TRAPPC8: variants seen among roughly 807,000 people sequenced by gnomAD.
TRAPPC8 encodes trafficking protein particle complex subunit 8.
In TRAPPC8, 54 loss-of-function variants were observed where a neutral mutation model predicts 174.3. The ratio of observed to expected loss-of-function variants is 0.31; its 90% CI spans 0.25 to 0.39. The LOEUF (loss-of-function observed/expected upper bound fraction) is 0.39, where lower values mean the gene tolerates loss of function less well. Ranked by LOEUF, TRAPPC8 falls within the 10% of genes least tolerant of loss-of-function variation. The pLI is 1.00. For synonymous variants in TRAPPC8, 630 were observed against 579.9 expected, an observed-to-expected ratio of 1.09 and a Z score of -1.24; for missense variants, 1,531 against 1,699.1, an observed-to-expected ratio of 0.90 and a Z score of 1.74.
Position 31,846,753 on chromosome 18 carries a change from G to A in TRAPPC8, c.3800C>T (p.Thr1267Ile), listed in dbSNP as rs766726713. Residue 1267 changes from threonine (T) to isoleucine (I), a missense_variant, in exon 26 of 29, where the codon ACT (threonine) becomes ATT (isoleucine). By Grantham distance (89) the Thr-to-Ile change is moderately conservative. Transcript: ENST00000283351. ...ATATGAAAAGGCTTCTTTTCCTATA[G>A]TGCGAAGAATAACATGATGTTGACC... is the stretch of plus-strand genomic sequence containing the variant. ...LEGQHHVILR[T>I]IGKEAFSYPQ... is the part of the protein sequence containing the mutation. 2.5e-6 allele frequency: 4 copies of A among 1,612,916 alleles called. No individual in the cohort carries two copies. The highest frequency in any genetic ancestry group is 1.1e-5 in the South Asian group (1 of 90,972).
intron 11 of TRAPPC8, among the ~76,000 whole-genome samples, chr18:31,895,478 A>G (rs968353472): frequency 9.8e-5 from 15 of 152,304 alleles, no homozygotes; most frequent in Admixed American, 5.2e-4. Context: ...GACTTTCATG[A>G]TAAAACAAAT....
rs1352636762 is a variant in TRAPPC8, at chr18:31,870,777, T to C, written c.2257+149A>G. ...TAGCTGTAGAAGAGTCCCCCTTGTC[T>C]GGTTTTATAAATGCAGCTCAGTAAA... is the stretch of plus-strand genomic sequence containing the variant. On this transcript the variant is annotated intron_variant, in intron 15 of 28. Transcript: ENST00000283351. The C allele has an allele frequency of 1.5e-5, 12 of 814,836 alleles. No homozygotes were observed. In the South Asian group the frequency reaches 2.1e-4, roughly 15 times the overall value. 50.5% of individuals were successfully genotyped at this position (814,836 alleles called of 1,614,324 possible). A position where few individuals can be genotyped will look rare whatever the true frequency, so the allele number is the denominator to read the frequency against.
rs375575590 is a variant in TRAPPC8 at position 31,842,360 on chromosome 18, C to T, written c.3838-2903G>A. Among the ~76,000 whole-genome samples the T allele has an allele frequency of 2.0e-5, 3 of 152,194 alleles. No individual in the cohort carries two copies. The East Asian group carries it at 5.8e-4, about 29-fold the overall frequency. The stretch of plus-strand genomic sequence containing the variant: ...CAACTGACCAATGTGCACAGGGTTT[C>T]TGTTGGTAGTTTACTTAGGAAGCAA... On this transcript the variant is annotated intron_variant, in intron 26 of 28. Coordinates refer to ENST00000283351, the MANE Select transcript of TRAPPC8 (RefSeq NM_014939.5).
chr18:31,938,572 G>A (rs2038199962), intron 1 of TRAPPC8, among the ~76,000 whole-genome samples: 2 of 151,992 alleles, frequency 1.3e-5, no homozygotes, highest in African/African-American at 4.8e-5. Flanking sequence ...CTAAAAATAA[G>A]TCTCCTGACA....
At chr18:31,863,952 C>CCCATTAA (rs1346944153) in intron 19 of TRAPPC8, among the ~76,000 whole-genome samples, 7 of 150,158 alleles carry the variant, frequency 4.7e-5, no homozygotes, top group Non-Finnish European at 1.0e-4. Flanking sequence ...ACTTCTTGTT[C>CCCATTAA]TATTATACTA....
At chr18:31,848,491 C>A (rs184034551) in intron 25 of TRAPPC8, among the ~76,000 whole-genome samples, 2 of 152,126 alleles carry the variant, frequency 1.3e-5, no homozygotes, top group Non-Finnish European at 2.9e-5. Context: ...AATTTGATTT[C>A]GCCAATAATG....
At position 31,880,090 on chromosome 18, in the gene TRAPPC8, AATATAT is replaced by A. The variant is rs1246506445; in HGVS notation, c.1729-5392_1729-5387del. ...TTTTACTGAAACTATTGAAAAAAAAAATATATATATATATATATATATATATATATA... is the reference window on the plus strand; with the variant it reads ...TTTTACTGAAACTATTGAAAAAAAAAATATATATATATATATATATATATA... On this transcript the variant is annotated intron_variant, in intron 12 of 28. Coordinates refer to ENST00000283351, the MANE Select transcript of TRAPPC8 (RefSeq NM_014939.5). Among the ~76,000 whole-genome samples the A allele has an allele frequency of 1.4e-3, 118 of 85,344 alleles. 2 individuals are homozygous for A. In the East Asian group the frequency reaches 0.022, roughly 16 times the overall value. The allele number at this position is 85,344 out of a possible 152,430, so 56.0% of individuals were successfully genotyped here.
intron 27 of TRAPPC8, 79 bp from the exon 28 acceptor site, chr18:31,832,252 C>G: frequency 1.4e-6 from 1 of 725,200 alleles, no homozygotes; most frequent in Non-Finnish European, 2.0e-6. Flanking sequence ...ACACTTAAGA[C>G]TATGTAACAG....
At chr18:31,856,805 A>ATT (rs2034040551) in intron 20 of TRAPPC8, among the ~76,000 whole-genome samples, 1 of 140,674 alleles carries the variant, frequency 7.1e-6, no homozygotes, top group Admixed American at 7.0e-5. Flanking sequence ...AAATGCTAAA[A>ATT]TCTTTTTTTT....
chr18:31,857,540 C>A lies in TRAPPC8; in HGVS notation c.3188G>T (p.Arg1063Leu). ...YESVKKQPKI[R>L]HRILRHTAII... is the part of the protein sequence containing the mutation. ...ATTTTATAAGTTTTATAATACTAAC[C>A]GTATTTTTGGCTGCTTTTTGACACT... Residue 1063 changes from arginine to leucine, a missense_variant and splice_region_variant, in exon 20 of 29, where the codon CGG becomes CTG. Coordinates refer to ENST00000283351, the MANE Select transcript of TRAPPC8 (RefSeq NM_014939.5). 1 of 1,579,300 alleles carries A rather than the reference C, an allele frequency of 6.3e-7. No homozygotes were observed.
intron 19 of TRAPPC8, among the ~76,000 whole-genome samples, chr18:31,859,575 AATAC>A (rs1250755687): frequency 1.3e-5 from 2 of 152,224 alleles, no homozygotes; most frequent in African/African-American, 4.8e-5. Flanking sequence ...AACACACTAA[AATAC>A]ATAGAGACAC....
intron 12 of TRAPPC8, among the ~76,000 whole-genome samples, chr18:31,876,636 G>T (rs1362518461): frequency 6.6e-6 from 1 of 151,944 alleles, no homozygotes; most frequent in Non-Finnish European, 1.5e-5. Context: ...CCCATGGAAA[G>T]AAACTAGAGT....
intron 15 of TRAPPC8, 73 bp downstream of exon 15, chr18:31,870,853 A>C: frequency 7.6e-7 from 1 of 1,321,264 alleles, no homozygotes; most frequent in Non-Finnish European, 1.0e-6. Flanking sequence ...TATGTGTGCC[A>C]AACAATAAAT....
chr18:31,910,929 A>T (rs867593645), intron 5 of TRAPPC8, among the ~76,000 whole-genome samples: 2 of 152,188 alleles, frequency 1.3e-5, no homozygotes, highest in Admixed American at 6.5e-5. Context: ...GACCATTTTT[A>T]AAAATAAAGT....
chr18:31,894,837 A>G (rs17742014), intron 11 of TRAPPC8, among the ~76,000 whole-genome samples: 34,819 of 152,178 alleles, frequency 0.23, 4,820 homozygotes, highest in South Asian at 0.52. Context: ...AACTGGTATT[A>G]GCATCCCTAG....
At chr18:31,917,362 T>C (rs1312374802) in intron 3 of TRAPPC8, among the ~76,000 whole-genome samples, 2 of 151,538 alleles carry the variant, frequency 1.3e-5, no homozygotes, top group African/African-American at 2.4e-5. Flanking sequence ...TAGTCTTATT[T>C]TATAATCAAA....
chr18:31,903,113 C>T (rs550124775), intron 9 of TRAPPC8, among the ~76,000 whole-genome samples: 11 of 90,302 alleles, frequency 1.2e-4, no homozygotes, highest in Admixed American at 1.4e-4. Flanking sequence ...TGCGCGCGTG[C>T]GTGCGTGCGT....
intron 26 of TRAPPC8, among the ~76,000 whole-genome samples, chr18:31,843,549 ACTAT>A (rs2033223385): frequency 6.6e-6 from 1 of 152,236 alleles, no homozygotes; most frequent in Non-Finnish European, 1.5e-5. Flanking sequence ...CTTACTGTGT[ACTAT>A]CTATTTGTGT....
chr18:31,849,553 T>C lies in TRAPPC8; in HGVS notation c.3735+13A>G, dbSNP rs113038000. The C allele has an allele frequency of 6.4e-7, 1 of 1,571,778 alleles. No individual in the cohort carries two copies. On this transcript the variant is annotated intron_variant, in intron 25 of 28. Transcript: ENST00000283351. ...ATAAGTGAGGCTTGCTGAAATAATT[T>C]AGTAGCACATACCTTCCATAATATG...
Sources: gnomAD v4.1 joint callset for allele counts (sites outside exome capture counted in the v4.1 genomes callset) on GRCh38, gnomAD v4.1.1 for gene constraint, MANE v1.5 for transcripts, NCBI Gene and HGNC (gene_info 2026-07-23, HGNC 2026-07-21) for gene names.